Variants in GLRA3 observed in about 807,000 individuals in gnomAD.
GLRA3 encodes the protein glycine receptor subunit alpha-3.
GLRA3 carries 44 observed loss-of-function variants against 60.4 expected under a neutral mutation model. That is an observed-to-expected ratio of 0.73 (90% CI 0.57 to 0.94). GLRA3 has a LOEUF of 0.94. GLRA3 is among the 40% of genes least tolerant of loss of function. The pLI, the probability that GLRA3 is intolerant of heterozygous loss-of-function variation, is 0.00. For missense variants in GLRA3, 508 were observed against 564.6 expected (o/e 0.90, Z 1.02); for synonymous variants, 223 against 192.9 (o/e 1.16, Z -1.29).
intron 3 of GLRA3, among the ~76,000 whole-genome samples, chr4:174,747,513 T>C (rs1263479097): frequency 6.6e-6 from 1 of 152,116 alleles, no homozygotes; most frequent in Non-Finnish European, 1.5e-5. Context: ...TTTAGAAAGA[T>C]CCAGGGTAGT....
intron 5 of GLRA3, among the ~76,000 whole-genome samples, chr4:174,686,143 T>C (rs951863305): frequency 6.6e-6 from 1 of 152,192 alleles, no homozygotes; most frequent in Non-Finnish European, 1.5e-5. Flanking sequence ...AGAAGGAAAA[T>C]AGTAAGAGGC....
At chr4:174,800,717 T>A (rs1249781001) in intron 1 of GLRA3, among the ~76,000 whole-genome samples, 1 of 152,142 alleles carries the variant, frequency 6.6e-6, no homozygotes, top group East Asian at 1.9e-4. Flanking sequence ...CCTCTCTGTA[T>A]ATAGACAGTG....
chr4:174,794,847 G>A (rs1485196806), intron 1 of GLRA3, among the ~76,000 whole-genome samples: 2 of 151,844 alleles, frequency 1.3e-5, no homozygotes, highest in Admixed American at 6.6e-5. Flanking sequence ...AGTATATTAC[G>A]TAAAAATCAT....
intron 2 of GLRA3, among the ~76,000 whole-genome samples, chr4:174,778,786 C>T (rs545104915): frequency 5.9e-5 from 9 of 152,234 alleles, no homozygotes; most frequent in Non-Finnish European, 1.0e-4. Context: ...CGGCGCACCA[C>T]GAGGTTATAC....
chr4:174,771,053 A>T (rs1282021047), intron 2 of GLRA3, among the ~76,000 whole-genome samples: 6 of 129,284 alleles, frequency 4.6e-5, no homozygotes, highest in Non-Finnish European at 9.4e-5. Context: ...GGACACAGGA[A>T]AGAGAACATT....
intron 4 of GLRA3, among the ~76,000 whole-genome samples, chr4:174,717,441 C>G (rs926200352): frequency 1.3e-5 from 2 of 152,102 alleles, no homozygotes; most frequent in Non-Finnish European, 2.9e-5. Context: ...GTCTGCAGCT[C>G]TACTAAATAT....
intron 5 of GLRA3, among the ~76,000 whole-genome samples, chr4:174,706,637 G>C (rs758763726): frequency 5.3e-5 from 8 of 152,150 alleles, no homozygotes; most frequent in Non-Finnish European, 7.4e-5. Flanking sequence ...AAAGAAATAG[G>C]AACCCTGCTT....
intron 5 of GLRA3, among the ~76,000 whole-genome samples, chr4:174,704,467 G>A (rs888502456): frequency 7.0e-6 from 1 of 143,876 alleles, no homozygotes; most frequent in Non-Finnish European, 1.5e-5. Flanking sequence ...TGGCAAGGGT[G>A]TAAAGAAATT....
rs1465164472 is a variant in GLRA3, at chr4:174,640,971, G to C, written c.*2815C>G. 6.8e-6 allele frequency: 1 copy of C among 147,252 alleles called. No homozygotes were observed. The highest frequency in any genetic ancestry group is 1.5e-5 in the Non-Finnish European group (1 of 65,354). The allele number at this position is 147,252 out of a possible 1,614,324, so 9.1% of individuals were successfully genotyped here. A position where few individuals can be genotyped will look rare whatever the true frequency, so the allele number is the denominator to read the frequency against. On this transcript the variant is annotated 3_prime_UTR_variant, in exon 10 of 10. Transcript: ENST00000274093. ...TCTTGAATCTATTTAAAGTTGTAAA[G>C]TAAGTTCTAGAGCCTCATTATGGTT... is the stretch of plus-strand genomic sequence containing the variant.
chr4:174,769,382 G>T (rs1482919011), intron 2 of GLRA3, among the ~76,000 whole-genome samples: 1 of 151,996 alleles, frequency 6.6e-6, no homozygotes, highest in Non-Finnish European at 1.5e-5. Context: ...CCAAACAATA[G>T]AATATGTTAT....
chr4:174,805,314 G>T (rs1739996869), intron 1 of GLRA3, among the ~76,000 whole-genome samples: 1 of 151,976 alleles, frequency 6.6e-6, no homozygotes, highest in African/African-American at 2.4e-5. Context: ...CTTGAAATTT[G>T]GCTGGGTAAA....
At chr4:174,731,123 T>C (rs1736529600) in intron 3 of GLRA3, among the ~76,000 whole-genome samples, 1 of 152,154 alleles carries the variant, frequency 6.6e-6, no homozygotes, top group Non-Finnish European at 1.5e-5. Context: ...CTGAAAACCT[T>C]AGAAACTAAG....
At chr4:174,720,558 T>A (rs1228099579) in intron 4 of GLRA3, among the ~76,000 whole-genome samples, 2 of 152,160 alleles carry the variant, frequency 1.3e-5, no homozygotes, top group African/African-American at 4.8e-5. Context: ...CTGGGAGATA[T>A]ATTTCTCCTT....
At chr4:174,649,845 A>G (rs908340028) in intron 9 of GLRA3, among the ~76,000 whole-genome samples, 15 of 152,148 alleles carry the variant, frequency 9.9e-5, no homozygotes, top group Middle Eastern at 3.2e-3. Context: ...GTAAAAAAAA[A>G]AGTCAAACAC....
chr4:174,782,019 G>A (rs1738898523), intron 2 of GLRA3, among the ~76,000 whole-genome samples: 1 of 149,102 alleles, frequency 6.7e-6, no homozygotes, highest in Admixed American at 6.7e-5. Flanking sequence ...AACCAAAAAA[G>A]AGAATTTTAG....
chr4:174,812,504 C>T (rs1404257254), intron 1 of GLRA3, among the ~76,000 whole-genome samples: 1 of 151,884 alleles, frequency 6.6e-6, no homozygotes, highest in Non-Finnish European at 1.5e-5. Context: ...GCAAGAAGCC[C>T]TACCTCTGCC....
chr4:174,766,532 T>C (rs2111236372), intron 3 of GLRA3, among the ~76,000 whole-genome samples: 1 of 152,236 alleles, frequency 6.6e-6, no homozygotes, highest in South Asian at 2.1e-4. Context: ...ATAAGTATAA[T>C]GTTTTGGCAA....
At chr4:174,701,234 C>G (rs1470720805) in intron 5 of GLRA3, among the ~76,000 whole-genome samples, 1 of 152,106 alleles carries the variant, frequency 6.6e-6, no homozygotes, top group Non-Finnish European at 1.5e-5. Flanking sequence ...GCTCAAAGAT[C>G]CTAGGGCCCT....
chr4:174,693,745 C>A (rs977819676), intron 5 of GLRA3, among the ~76,000 whole-genome samples: 11 of 151,920 alleles, frequency 7.2e-5, no homozygotes, highest in African/African-American at 2.4e-4. Context: ...TTTGGGCTAA[C>A]CTTAAATGTA....
Sources: allele counts gnomAD v4.1 joint callset (sites outside exome capture counted in the v4.1 genomes callset), GRCh38; gene constraint gnomAD v4.1.1; transcripts MANE v1.5; gene names NCBI Gene and HGNC (gene_info 2026-07-23, HGNC 2026-07-21).